The following PTPRN2 variants were observed in gnomAD, a reference collection of about 807,000 sequenced individuals.
PTPRN2 encodes the protein receptor-type tyrosine-protein phosphatase N2.
In PTPRN2, 74 loss-of-function variants were observed where a neutral mutation model predicts 118.8. The ratio of observed to expected loss-of-function variants is 0.62; its 90% CI spans 0.52 to 0.76. The LOEUF is 0.76. Ranked by LOEUF, PTPRN2 falls within the 30% of genes least tolerant of loss-of-function variation. The pLI, the probability that PTPRN2 is intolerant of heterozygous loss-of-function variation, is 0.00. For synonymous variants in PTPRN2, 641 were observed against 608.0 expected (o/e 1.05, Z -0.80); for missense variants, 1,481 against 1,394.4 (o/e 1.06, Z -0.99).
At chr7:157,902,246 A>G (rs1304792501) in intron 11 of PTPRN2, among the ~76,000 whole-genome samples, 1 of 152,256 alleles carries the variant, frequency 6.6e-6, no homozygotes, top group African/African-American at 2.4e-5. Context: ...GCTGCGGCCA[A>G]TAGTGACTCA....
At chr7:158,236,695 C>G (rs1307840454) in intron 3 of PTPRN2, among the ~76,000 whole-genome samples, 1 of 152,202 alleles carries the variant, frequency 6.6e-6, no homozygotes, top group Non-Finnish European at 1.5e-5. Flanking sequence ...CCCGGTGCAA[C>G]CTGTCCCCGC....
intron 11 of PTPRN2, among the ~76,000 whole-genome samples, chr7:158,007,957 G>A (rs1805760329): frequency 6.8e-6 from 1 of 148,006 alleles, no homozygotes; most frequent in Non-Finnish European, 1.5e-5. Context: ...TGGGGGTGTG[G>A]GTGTGTAGGT....
chr7:157,946,225 C>T (rs1029858294), intron 11 of PTPRN2, among the ~76,000 whole-genome samples: 3 of 152,126 alleles, frequency 2.0e-5, no homozygotes, highest in South Asian at 4.1e-4. Context: ...TGTCTGAAGC[C>T]TCTTCAGCTG....
rs1463451363 is a variant in PTPRN2 at position 157,560,016 on chromosome 7, G to A, written c.2902+8886C>T. On this transcript the variant is annotated intron_variant, in intron 21 of 22. Coordinates refer to ENST00000389418, the MANE Select transcript of PTPRN2 (RefSeq NM_002847.5). The surrounding 1 kb of genome is among the most constrained non-coding windows in gnomAD (Gnocchi z 6.7). ...CTGGATGGGCTGGTGCCAGCACCCG[G>A]GACCAAGGAGGGAGCTTGCAGAAGG... Among the ~76,000 whole-genome samples the A allele has an allele frequency of 2.6e-5, 4 of 152,178 alleles. No individual in the cohort carries two copies. The highest frequency in any genetic ancestry group is 5.9e-5 in the Non-Finnish European group (4 of 68,030).
At chr7:157,826,246 G>A (rs1478453886) in intron 12 of PTPRN2, among the ~76,000 whole-genome samples, 1 of 128,014 alleles carries the variant, frequency 7.8e-6, no homozygotes, top group Non-Finnish European at 1.6e-5. Flanking sequence ...TTCCACGCGT[G>A]CTGTGCAAAG....
intron 2 of PTPRN2, among the ~76,000 whole-genome samples, chr7:158,484,017 G>A (rs760178028): frequency 6.6e-6 from 1 of 152,280 alleles, no homozygotes; most frequent in Non-Finnish European, 1.5e-5. Context: ...GATGGTGTGT[G>A]CTTGTAGTCC....
In PTPRN2 at chr7:158,365,720, C is replaced by CCG. The variant is rs1554480118; in HGVS notation, c.164-48789_164-48788insCG. On this transcript the variant is annotated intron_variant, in intron 2 of 22. Coordinates refer to ENST00000389418, the MANE Select transcript of PTPRN2 (RefSeq NM_002847.5). ...TGCACACATGCACACGCACACACAC[C>CCG]CACACACACACAGCATCCCTGGGAG... 5.2e-4 allele frequency among the ~76,000 whole-genome samples: 59 copies of CCG among 114,434 alleles called. 1 individual carries two copies. The highest frequency in any genetic ancestry group is 1.9e-3 in the African/African-American group (57 of 30,328). 75.1% of individuals were successfully genotyped at this position (114,434 alleles called of 152,430 possible).
At chr7:158,345,691 G>A (rs1425431253) in intron 2 of PTPRN2, among the ~76,000 whole-genome samples, 1 of 152,102 alleles carries the variant, frequency 6.6e-6, no homozygotes, top group African/African-American at 2.4e-5. Context: ...ATTTACAATT[G>A]TATATATATA....
At chr7:157,853,687 C>T (rs888859798) in intron 12 of PTPRN2, among the ~76,000 whole-genome samples, 3 of 152,160 alleles carry the variant, frequency 2.0e-5, no homozygotes, top group Admixed American at 6.5e-5. Context: ...AACCGAGCCA[C>T]ACGTGCGGAG....
At chr7:158,147,621 C>G (rs1585621368) in intron 6 of PTPRN2, among the ~76,000 whole-genome samples, 8 of 113,206 alleles carry the variant, frequency 7.1e-5, no homozygotes, top group African/African-American at 1.5e-4. Context: ...TCTCACGCCA[C>G]GTGTCTTTCC....
At chr7:158,571,521 A>ATTTTTTTTTTTTTT (rs1563446712) in intron 1 of PTPRN2, among the ~76,000 whole-genome samples, 1 of 119,666 alleles carries the variant, frequency 8.4e-6, no homozygotes, top group Non-Finnish European at 1.7e-5. Context: ...ACACACACCT[A>ATTTTTTTTTTTTTT]TTTCTTTTTT....
At chr7:158,245,515 C>A (rs1796187004) in intron 3 of PTPRN2, among the ~76,000 whole-genome samples, 1 of 152,022 alleles carries the variant, frequency 6.6e-6, no homozygotes, top group African/African-American at 2.4e-5. Context: ...CTGAGTCAAA[C>A]CAGGGGCCTT....
intron 1 of PTPRN2, among the ~76,000 whole-genome samples, chr7:158,506,858 G>A (rs965119977): frequency 2.3e-4 from 35 of 152,306 alleles, no homozygotes; most frequent in Middle Eastern, 3.4e-3. Context: ...CCCGATGGTT[G>A]CAAGAGCAGG....
chr7:157,733,300 C>T (rs1194401183), intron 12 of PTPRN2, among the ~76,000 whole-genome samples: 1 of 29,442 alleles, frequency 3.4e-5, no homozygotes. Context: ...GCACAGTTAC[C>T]CTTTCCCGTC....
intron 9 of PTPRN2, among the ~76,000 whole-genome samples, chr7:158,123,506 G>C (rs1439434706): frequency 6.6e-6 from 1 of 152,134 alleles, no homozygotes; most frequent in African/African-American, 2.4e-5. Context: ...AGGAGGTTTT[G>C]ATGCTTTGTG....
chr7:158,423,874 A>C (rs146805045), intron 2 of PTPRN2, among the ~76,000 whole-genome samples: 8 of 152,232 alleles, frequency 5.3e-5, no homozygotes, highest in African/African-American at 1.9e-4. Context: ...CCAACACTGG[A>C]ATGGAATCCT....
intron 11 of PTPRN2, among the ~76,000 whole-genome samples, chr7:157,989,690 G>A (rs1024392629): frequency 1.6e-4 from 24 of 152,052 alleles, no homozygotes; most frequent in African/African-American, 5.1e-4. Context: ...CAGCGGGGGC[G>A]GGTGCCACCT....
rs1257461683 is a variant in PTPRN2 at position 157,604,004 on chromosome 7, T to C, written c.2416A>G (p.Ile806Val). 1.9e-6 allele frequency: 3 copies of C among 1,613,584 alleles called. No individual in the cohort carries two copies. Among genetic ancestry groups the C allele is most frequent in the Non-Finnish European group, 2.5e-6 (3 of 1,179,838 alleles). The change falls in exon 16 of 23, where the codon ATC becomes GTC. Residue 806 changes from isoleucine to valine, a missense_variant and splice_region_variant. By Grantham distance (29) the Ile-to-Val change is conservative. Coordinates refer to ENST00000389418, the MANE Select transcript of PTPRN2 (RefSeq NM_002847.5). Reference protein sequence around the residue: ...SHSDYINASPIMDHDPRNPAY... With the variant: ...SHSDYINASPVMDHDPRNPAY... ...CCCTGTCCCGGCAGTGCACTTACGA[T>C]GGGGCTAGCGTTGATGTAGTCTGAG...
rs1351147348 is a variant in PTPRN2, at chr7:157,747,189, G to A, written c.1789-64252C>T. Among the ~76,000 whole-genome samples, 534 of 86,242 alleles carry A rather than the reference G, an allele frequency of 6.2e-3. 6 individuals carry two copies. The highest frequency in any genetic ancestry group is 0.021 in the African/African-American group (416 of 19,506). 56.6% of individuals were successfully genotyped at this position (86,242 alleles called of 152,430 possible). ...TGCGTCCCTGAGCTGTGGGGTGTGCGGGTGATTCTGAGGCCTGCGTCCCTG... is the reference window on the plus strand; with the variant it reads ...TGCGTCCCTGAGCTGTGGGGTGTGCAGGTGATTCTGAGGCCTGCGTCCCTG... On this transcript the variant is annotated intron_variant, in intron 12 of 22. Coordinates refer to ENST00000389418, the MANE Select transcript of PTPRN2 (RefSeq NM_002847.5).
Sources: allele counts gnomAD v4.1 joint callset (sites outside exome capture counted in the v4.1 genomes callset), GRCh38; gene constraint gnomAD v4.1.1; non-coding constraint Gnocchi (gnomAD v3.1); transcripts MANE v1.5; gene names NCBI Gene and HGNC (gene_info 2026-07-23, HGNC 2026-07-21).